Variants in AHCTF1 observed in about 807,000 individuals in gnomAD.
AHCTF1 encodes protein ELYS.
Under a neutral mutation model 248.4 loss-of-function variants are expected in AHCTF1, and 24 were observed. That is an observed-to-expected ratio of 0.10 (90% CI 0.07 to 0.14). The LOEUF (loss-of-function observed/expected upper bound fraction) is 0.14. AHCTF1 is among the 10% of genes least tolerant of loss of function. AHCTF1 has a pLI of 1.00. For synonymous variants in AHCTF1, 786 were observed against 929.8 expected, an observed-to-expected ratio of 0.85 and a Z score of 2.81; for missense variants, 2,206 against 2,636.2, an observed-to-expected ratio of 0.84 and a Z score of 3.57.
In AHCTF1 at chr1:246,909,247, TAA is replaced by T. The variant is rs34089730; in HGVS notation, c.557-1491_557-1490del. Among the ~76,000 whole-genome samples, 11 of 109,044 alleles carry T rather than the reference TAA, an allele frequency of 1.0e-4. 1 individual carries two copies. Among genetic ancestry groups the T allele is most frequent in the South Asian group, 9.3e-4 (3 of 3,234 alleles). 71.5% of individuals were successfully genotyped at this position (109,044 alleles called of 152,430 possible). A position where few individuals can be genotyped will look rare whatever the true frequency, so the allele number is the denominator to read the frequency against. On this transcript the variant is annotated intron_variant, in intron 4 of 35. Transcript: ENST00000648844. The stretch of plus-strand genomic sequence containing the variant: ...CAATATGGTGAAACCTCGGCTCTAC[TAA>T]AAAAAAAAAAAAAAAAAATTGGCCG...
Position 246,931,414 on chromosome 1 carries a change from C to G in AHCTF1, c.-8+164G>C, listed in dbSNP as rs1572489926. The G allele has an allele frequency of 1.1e-5, 16 of 1,472,552 alleles. No individual in the cohort carries two copies. The East Asian group carries it at 4.1e-4, about 38-fold the overall frequency. 91.2% of individuals were successfully genotyped at this position (1,472,552 alleles called of 1,614,324 possible). ...ACCCGCCACCGCCACCGCTCGCCCC[C>G]TCGAGCCCCATCCGTTGGCCCCGCG... On this transcript the variant is annotated intron_variant, in intron 1 of 35. Coordinates refer to ENST00000648844, the MANE Select transcript of AHCTF1 (RefSeq NM_001323342.2).
At chr1:246,862,452 C>G (rs1344058626) in intron 27 of AHCTF1, among the ~76,000 whole-genome samples, 2 of 151,446 alleles carry the variant, frequency 1.3e-5, no homozygotes, top group Non-Finnish European at 2.9e-5. Flanking sequence ...TGCACTCCAG[C>G]CTGGGCGACA....
chr1:246,875,449 T>C (rs1002585387), intron 24 of AHCTF1, among the ~76,000 whole-genome samples: 15 of 152,230 alleles, frequency 9.9e-5, no homozygotes, highest in Admixed American at 2.6e-4. Flanking sequence ...GAAAATTACA[T>C]AAACTTAAGA....
intron 21 of AHCTF1, among the ~76,000 whole-genome samples, chr1:246,883,949 GA>G (rs1031158524): frequency 1.3e-5 from 2 of 151,918 alleles, no homozygotes; most frequent in Non-Finnish European, 2.9e-5. Context: ...TCAAAAGGAG[GA>G]AAAAAACCTT....
rs779102208 is a variant in AHCTF1, at chr1:246,898,290, A to G, written c.1541T>C (p.Ile514Thr). 5 of 1,613,300 alleles carry G rather than the reference A, an allele frequency of 3.1e-6. No homozygotes were observed. The highest frequency in any genetic ancestry group is 4.2e-6 in the Non-Finnish European group (5 of 1,179,948). ...KKSGPSLNEL[I>T]PDGYNRCLVA... ...AAGACATCGATTATAACCATCAGGA[A>G]TGAGTTCATTGAGTGATGGACCTGA... Residue 514 changes from isoleucine to threonine, a missense_variant, in exon 12 of 36, where the codon ATT becomes ACT. Transcript: ENST00000648844.
chr1:246,861,151 C>G lies in AHCTF1; in HGVS notation c.3880G>C (p.Gly1294Arg), dbSNP rs1347284582. ...TCCAGTTTCTCTAAACTTTGTGACCCCTCATCCATTTCTTGATGCTCCTTT... is the reference window on the plus strand; with the variant it reads ...TCCAGTTTCTCTAAACTTTGTGACCGCTCATCCATTTCTTGATGCTCCTTT... ...PEKEHQEMDE[G>R]SQSLEKLDVS... Residue 1294 changes from glycine to arginine, a missense_variant, in exon 29 of 36, where the codon GGG becomes CGG. This residue lies in a region of AHCTF1 where 955 missense variants were observed against 1,055.6 expected (regional missense o/e 0.90). Transcript: ENST00000648844. The G allele has an allele frequency of 1.2e-6, 2 of 1,613,672 alleles. No individual in the cohort carries two copies. The highest frequency in any genetic ancestry group is 2.7e-5 in the African/African-American group (2 of 74,890).
intron 26 of AHCTF1, chr1:246,865,406 T>C (rs1266871060): frequency 1.3e-5 from 2 of 152,226 alleles, no homozygotes; most frequent in African/African-American, 2.4e-5. Flanking sequence ...AATATTTCAA[T>C]GTCTTCCCAC....
Position 246,931,790 on chromosome 1 carries a change from CGA to C in AHCTF1, c.-222_-221del, listed in dbSNP as rs1667380037. The C allele has an allele frequency of 6.6e-6, 1 of 152,562 alleles. No homozygotes were observed. Among genetic ancestry groups the C allele is most frequent in the Non-Finnish European group, 1.5e-5 (1 of 68,356 alleles). 9.5% of individuals were successfully genotyped at this position (152,562 alleles called of 1,614,324 possible). On this transcript the variant is annotated 5_prime_UTR_variant, in exon 1 of 36. Transcript: ENST00000648844. ...CGGCCACCTCAGAGCCACACGCCCC[CGA>C]GAGTGCCTTCGCGGGCTGTAGGCCT... is the stretch of plus-strand genomic sequence containing the variant.
chr1:246,910,565 G>A (rs1665729141), intron 4 of AHCTF1, among the ~76,000 whole-genome samples: 1 of 152,108 alleles, frequency 6.6e-6, no homozygotes, highest in African/African-American at 2.4e-5. Context: ...CTTGAATTTG[G>A]GTGATGGGTT....
At chr1:246,852,517 T>C (rs901915640) in intron 32 of AHCTF1, among the ~76,000 whole-genome samples, 1 of 152,096 alleles carries the variant, frequency 6.6e-6, no homozygotes, top group Non-Finnish European at 1.5e-5. Flanking sequence ...TCTTATTAAG[T>C]AGCAAAAAGT....
intron 24 of AHCTF1, among the ~76,000 whole-genome samples, chr1:246,872,276 C>T (rs1191316879): frequency 2.6e-5 from 4 of 152,152 alleles, no homozygotes; most frequent in African/African-American, 4.8e-5. Flanking sequence ...TGTGACTCCA[C>T]TAACCCAAGC....
rs1168723028 is a variant in AHCTF1 at position 246,876,765 on chromosome 1, G to C, written c.2937+185C>G. Among the ~76,000 whole-genome samples, 3 of 152,234 alleles carry C rather than the reference G, an allele frequency of 2.0e-5. No homozygotes were observed. In the East Asian group the frequency reaches 5.8e-4, roughly 29 times the overall value. On this transcript the variant is annotated intron_variant, in intron 23 of 35. Transcript: ENST00000648844. ...AGACATCAGAACATAAATGGCATAC[G>C]TAAAAGAATTACGTGGTAATACCCT...
chr1:246,840,250 T>C lies in AHCTF1; in HGVS notation c.*556A>G, dbSNP rs1399219765. On this transcript the variant is annotated 3_prime_UTR_variant, in exon 36 of 36. Transcript: ENST00000648844. ...CTTGGATTATTCATTTGAGGTAGAT[T>C]ACACAAAATTTGTGAAACTACAAAG... 1.3e-5 allele frequency: 2 copies of C among 152,632 alleles called. No homozygotes were observed. The highest frequency in any genetic ancestry group is 2.9e-5 in the Non-Finnish European group (2 of 68,036). The allele number at this position is 152,632 out of a possible 1,614,324, so 9.5% of individuals were successfully genotyped here.
intron 33 of AHCTF1, among the ~76,000 whole-genome samples, chr1:246,848,674 T>C (rs1660465401): frequency 6.6e-6 from 1 of 151,162 alleles, no homozygotes; most frequent in Non-Finnish European, 1.5e-5. Context: ...AAGATCAGCC[T>C]GGCCAACATG....
intron 14 of AHCTF1, among the ~76,000 whole-genome samples, chr1:246,893,497 A>G (rs562586241): frequency 1.4e-4 from 21 of 152,256 alleles, no homozygotes; most frequent in Non-Finnish European, 2.6e-4. Flanking sequence ...CTTACAGTGC[A>G]ACTGTATCCC....
chr1:246,855,102 T>C (rs561251338), intron 31 of AHCTF1, among the ~76,000 whole-genome samples: 18 of 152,354 alleles, frequency 1.2e-4, no homozygotes, highest in African/African-American at 2.2e-4. Flanking sequence ...GTTGAGAGCA[T>C]GGGCTCTAGA....
At position 246,853,240 on chromosome 1, in the gene AHCTF1, T is replaced by A. The variant is rs773513235; in HGVS notation, c.4414A>T (p.Ile1472Phe). Residue 1472 changes from isoleucine (I) to phenylalanine (F), a missense_variant, in exon 32 of 36, where the codon ATT becomes TTT. By Grantham distance (21) the Ile-to-Phe change is conservative. Transcript: ENST00000648844. ...NSSLTISEGP[I>F]VSERRLNQEV... ...TGGTTAAGCCTGCGCTCAGAGACAATAGGACCTTCAGAGATAGTGAGCGAG... is the reference window on the plus strand; with the variant it reads ...TGGTTAAGCCTGCGCTCAGAGACAAAAGGACCTTCAGAGATAGTGAGCGAG... 6.2e-7 allele frequency: 1 copy of A among 1,613,890 alleles called. No individual in the cohort carries two copies.
intron 13 of AHCTF1, among the ~76,000 whole-genome samples, chr1:246,895,571 T>A (rs1302560598): frequency 5.9e-5 from 9 of 151,846 alleles, no homozygotes; most frequent in Non-Finnish European, 1.2e-4. Context: ...TTGCCAGGGG[T>A]TAAGGATGGG....
intron 15 of AHCTF1, 137 bp downstream of exon 15, chr1:246,891,642 A>G (rs1664211824): frequency 6.7e-6 from 6 of 897,078 alleles, no homozygotes; most frequent in Non-Finnish European, 9.6e-6. Context: ...CAAAGAAACA[A>G]ACAAAAACCC....
Sources: allele counts gnomAD v4.1 joint callset (sites outside exome capture counted in the v4.1 genomes callset), GRCh38; gene constraint gnomAD v4.1.1; regional missense constraint gnomAD v4.1.1; transcripts MANE v1.5; gene names NCBI Gene and HGNC (gene_info 2026-07-23, HGNC 2026-07-21).